The following WAC variants were observed in gnomAD, a reference collection of about 807,000 sequenced individuals.
WAC encodes WW domain-containing adapter protein with coiled-coil.
In WAC, 11 loss-of-function variants were observed where a neutral mutation model predicts 79.6. The observed-to-expected ratio is 0.14, with a 90% CI of 0.09 to 0.23. The LOEUF is 0.23. WAC is among the 10% of genes least tolerant of loss of function. WAC has a pLI of 1.00. For synonymous variants in WAC, 304 were observed against 276.9 expected, an observed-to-expected ratio of 1.10 and a Z score of -0.97; for missense variants, 728 against 773.5, an observed-to-expected ratio of 0.94 and a Z score of 0.70.
chr10:28,605,169 A>G (rs548167762), intron 7 of WAC, among the ~76,000 whole-genome samples: 3 of 152,206 alleles, frequency 2.0e-5, no homozygotes, highest in East Asian at 1.9e-4. Flanking sequence ...TCTTTATTCA[A>G]TTCAGTTCTC....
intron 4 of WAC, among the ~76,000 whole-genome samples, chr10:28,587,321 G>A (rs774063972): frequency 2.0e-4 from 30 of 152,124 alleles, no homozygotes; most frequent in African/African-American, 6.5e-4. Flanking sequence ...TCATAATTTC[G>A]TATCTGCTTC....
chr10:28,549,434 T>A (rs1200775986), intron 3 of WAC, among the ~76,000 whole-genome samples: 1 of 152,214 alleles, frequency 6.6e-6, no homozygotes, highest in Non-Finnish European at 1.5e-5. Flanking sequence ...GTTCTATAGA[T>A]AATCTTCCTA....
intron 3 of WAC, among the ~76,000 whole-genome samples, chr10:28,570,105 G>A (rs76187430): frequency 6.6e-6 from 1 of 152,118 alleles, no homozygotes; most frequent in Admixed American, 6.6e-5. Flanking sequence ...TATCTGTAAG[G>A]GAGAATTTAC....
chr10:28,535,334 G>T lies in WAC; in HGVS notation c.79-228G>T, dbSNP rs544098850. ...AGGTGGTTTATAAGATAATGGAGTGGGTTTTTTTTGTGTTTAGTGTGATTT... is the reference window on the plus strand; with the variant it reads ...AGGTGGTTTATAAGATAATGGAGTGTGTTTTTTTTGTGTTTAGTGTGATTT... On this transcript the variant is annotated intron_variant, in intron 2 of 13. Coordinates refer to ENST00000354911, the MANE Select transcript of WAC (RefSeq NM_016628.5). The T allele has an allele frequency of 4.9e-5, 17 of 349,468 alleles. No homozygotes were observed. In the South Asian group the frequency reaches 7.1e-4, roughly 15 times the overall value. 21.6% of individuals were successfully genotyped at this position (349,468 alleles called of 1,614,324 possible). A position where few individuals can be genotyped will look rare whatever the true frequency, so the allele number is the denominator to read the frequency against.
intron 3 of WAC, chr10:28,538,316 C>T (rs759520929): frequency 3.7e-4 from 126 of 336,714 alleles, no homozygotes; most frequent in Non-Finnish European, 5.1e-4. Context: ...GGGTCAGTGG[C>T]TCACGCCGGA....
At chr10:28,534,147 C>T in intron 2 of WAC, 113 bp downstream of exon 2, 1 of 1,024,318 alleles carries the variant, frequency 9.8e-7, no homozygotes, top group Non-Finnish European at 1.4e-6. Context: ...TGCAACACAT[C>T]TGAAACTAGC....
intron 6 of WAC, among the ~76,000 whole-genome samples, chr10:28,593,495 C>T (rs1466812797): frequency 2.0e-5 from 3 of 151,986 alleles, no homozygotes; most frequent in African/African-American, 7.3e-5. Context: ...AGGCCAGGCA[C>T]GGTGGCTCAT....
At chr10:28,544,011 T>G (rs552660986) in intron 3 of WAC, among the ~76,000 whole-genome samples, 1 of 152,304 alleles carries the variant, frequency 6.6e-6, no homozygotes, top group Non-Finnish European at 1.5e-5. Context: ...GCCACCCAAA[T>G]AGCTGGGATT....
Position 28,608,538 on chromosome 10 carries a change from T to C in WAC, c.1165+107T>C. On this transcript the variant is annotated intron_variant, in intron 8 of 13. Coordinates refer to ENST00000354911, the MANE Select transcript of WAC (RefSeq NM_016628.5). ...GGTCTTTGTTTTCTTTTGAAATTTA[T>C]AGTTGAACACTTTTTTTTGTTTTGT... 4.1e-6 allele frequency: 5 copies of C among 1,218,130 alleles called. 1 individual carries two copies. The South Asian group carries it at 4.9e-5, about 12-fold the overall frequency. The allele number at this position is 1,218,130 out of a possible 1,614,324, so 75.5% of individuals were successfully genotyped here. A position where few individuals can be genotyped will look rare whatever the true frequency, so the allele number is the denominator to read the frequency against.
Position 28,578,550 on chromosome 10 carries a change from C to CAT in WAC, c.275-4845_275-4844dup, listed in dbSNP as rs558704050. Among the ~76,000 whole-genome samples, 301 of 152,114 alleles carry CAT rather than the reference C, an allele frequency of 2.0e-3. 1 individual carries two copies. Among genetic ancestry groups the CAT allele is most frequent in the Non-Finnish European group, 3.5e-3 (236 of 68,014 alleles). On this transcript the variant is annotated intron_variant, in intron 3 of 13. Coordinates refer to ENST00000354911, the MANE Select transcript of WAC (RefSeq NM_016628.5). ...GTTGCCTTTCCCACTGCCATTTAAT[C>CAT]ATATAGAGTTGTATGTCCTCCCTCT...
chr10:28,610,326 A>G (rs1589240281), intron 8 of WAC, among the ~76,000 whole-genome samples: 2 of 152,246 alleles, frequency 1.3e-5, no homozygotes, highest in East Asian at 1.9e-4. Flanking sequence ...ATGAAATAGC[A>G]GTTGTTTATC....
At chr10:28,599,584 A>T (rs1447174279) in intron 7 of WAC, among the ~76,000 whole-genome samples, 2 of 152,212 alleles carry the variant, frequency 1.3e-5, no homozygotes, top group Non-Finnish European at 2.9e-5. Flanking sequence ...TGGTTTTTAA[A>T]AAAGTATTTG....
At chr10:28,545,769 C>T (rs2132384753) in intron 3 of WAC, among the ~76,000 whole-genome samples, 1 of 152,278 alleles carries the variant, frequency 6.6e-6, no homozygotes, top group East Asian at 1.9e-4. Context: ...ATCTAATGCC[C>T]AGCAGTAGAG....
intron 7 of WAC, among the ~76,000 whole-genome samples, chr10:28,604,628 G>A (rs1840843734): frequency 6.6e-6 from 1 of 152,130 alleles, no homozygotes; most frequent in African/African-American, 2.4e-5. Context: ...AGCTGAGGCA[G>A]GAGAATCACT....
chr10:28,549,533 C>T (rs1837547580), intron 3 of WAC, among the ~76,000 whole-genome samples: 1 of 152,134 alleles, frequency 6.6e-6, no homozygotes, highest in South Asian at 2.1e-4. Flanking sequence ...TGGGCAACTT[C>T]CAGAACTCAT....
At position 28,533,531 on chromosome 10, in the gene WAC, C is replaced by T. The variant is rs763226630; in HGVS notation, c.-49C>T. 1 of 1,229,258 alleles carries T rather than the reference C, an allele frequency of 8.1e-7. No individual in the cohort carries two copies. Among genetic ancestry groups the T allele is most frequent in the Middle Eastern group, 2.3e-4 (1 of 4,322 alleles). 76.1% of individuals were successfully genotyped at this position (1,229,258 alleles called of 1,614,324 possible). A position where few individuals can be genotyped will look rare whatever the true frequency, so the allele number is the denominator to read the frequency against. On this transcript the variant is annotated 5_prime_UTR_variant, in exon 1 of 14. Coordinates refer to ENST00000354911, the MANE Select transcript of WAC (RefSeq NM_016628.5). ...GCCGCCTGCGCGCCCGCCCGCCTTTCGCGGCCGCTCTCCCCCCTCCCCGAC... is the reference window on the plus strand; with the variant it reads ...GCCGCCTGCGCGCCCGCCCGCCTTTTGCGGCCGCTCTCCCCCCTCCCCGAC...
intron 3 of WAC, among the ~76,000 whole-genome samples, chr10:28,540,312 T>C (rs1333222861): frequency 6.6e-6 from 1 of 152,200 alleles, no homozygotes; most frequent in Non-Finnish European, 1.5e-5. Context: ...TTCGGTAACT[T>C]GTATGCTGTC....
At position 28,614,644 on chromosome 10, in the gene WAC, A is replaced by G. The variant is rs1841397992; in HGVS notation, c.1515A>G (p.Gln505=). ...AGCCTGTAACTGCTGACAAGCAGCAAGGTCATGAACCTGTCTCTCCTCGAA... is the reference window on the plus strand; with the variant it reads ...AGCCTGTAACTGCTGACAAGCAGCAGGGTCATGAACCTGTCTCTCCTCGAA... The part of the protein sequence containing the change: ...TQQPVTADKQ[Q]GHEPVSPRSL... Residue 505 remains glutamine, a synonymous_variant, in exon 11 of 14, where the codon CAA becomes CAG. Transcript: ENST00000354911. 1 of 1,614,210 alleles carries G rather than the reference A, an allele frequency of 6.2e-7. No homozygotes were observed. Among genetic ancestry groups the G allele is most frequent in the Non-Finnish European group, 8.5e-7 (1 of 1,180,022 alleles).
chr10:28,544,958 G>A (rs779151376), intron 3 of WAC, among the ~76,000 whole-genome samples: 23 of 150,382 alleles, frequency 1.5e-4, no homozygotes, highest in Non-Finnish European at 2.5e-4. Flanking sequence ...CCAGCTACTC[G>A]AGAGGCCGAA....
Sources: gnomAD v4.1 joint callset for allele counts (sites outside exome capture counted in the v4.1 genomes callset) on GRCh38, gnomAD v4.1.1 for gene constraint, MANE v1.5 for transcripts, NCBI Gene and HGNC (gene_info 2026-07-23, HGNC 2026-07-21) for gene names.